ANKRD6: variants seen among roughly 807,000 people sequenced by gnomAD.
ANKRD6 encodes the protein ankyrin repeat domain-containing protein 6.
In ANKRD6, 56 loss-of-function variants were observed where a neutral mutation model predicts 82.3. The ratio of observed to expected loss-of-function variants is 0.68; its 90% CI spans 0.55 to 0.85. The LOEUF is 0.85. Ranked by LOEUF, ANKRD6 falls within the 40% of genes least tolerant of loss-of-function variation. The pLI is 0.00. For missense variants in ANKRD6, 852 were observed against 907.6 expected (o/e 0.94, Z 0.79); for synonymous variants, 347 against 352.1 (o/e 0.99, Z 0.16).
At chr6:89,535,592 C>G (rs961554742) in intron 1 of ANKRD6, among the ~76,000 whole-genome samples, 6 of 152,312 alleles carry the variant, frequency 3.9e-5, no homozygotes, top group Admixed American at 3.9e-4. Flanking sequence ...GTGGGCAGCT[C>G]TACAGAGAAC....
chr6:89,601,182 CTT>C (rs935123911), intron 3 of ANKRD6, among the ~76,000 whole-genome samples: 39 of 152,264 alleles, frequency 2.6e-4, no homozygotes, highest in Non-Finnish European at 4.4e-4. Context: ...CGGCCACATT[CTT>C]TTTTTAACCA....
At chr6:89,612,433 C>T in intron 6 of ANKRD6, 63 bp downstream of exon 6, 1 of 1,425,470 alleles carries the variant, frequency 7.0e-7, no homozygotes, top group South Asian at 1.3e-5. Context: ...AAAATAACTT[C>T]ATGAGCATAC....
intron 1 of ANKRD6, among the ~76,000 whole-genome samples, chr6:89,491,174 G>A (rs1777967478): frequency 6.6e-6 from 1 of 152,094 alleles, no homozygotes. Flanking sequence ...AAACTGTGAG[G>A]GAACACATTT....
At position 89,623,867 on chromosome 6, in the gene ANKRD6, T is replaced by TA; in HGVS notation, c.1033-4dup. The stretch of plus-strand genomic sequence containing the variant: ...TCAGGGGTGTTGTCTCTTCCTCTCT[T>TA]ACAGGTGTCAGCATTTTCTGACCCC... On this transcript the variant is annotated splice_polypyrimidine_tract_variant and splice_region_variant and intron_variant, in intron 11 of 15. Coordinates refer to ENST00000339746, the MANE Select transcript of ANKRD6 (RefSeq NM_001242809.2). 1 of 1,611,102 alleles carries TA rather than the reference T, an allele frequency of 6.2e-7. No homozygotes were observed. Among genetic ancestry groups the TA allele is most frequent in the Non-Finnish European group, 8.5e-7 (1 of 1,178,558 alleles).
chr6:89,591,021 T>C (rs2128139949), intron 2 of ANKRD6, among the ~76,000 whole-genome samples: 1 of 152,282 alleles, frequency 6.6e-6, no homozygotes, highest in East Asian at 1.9e-4. Flanking sequence ...AGGGCCTAGG[T>C]TGAGTTAAGC....
At chr6:89,554,235 G>A (rs913042046) in intron 1 of ANKRD6, among the ~76,000 whole-genome samples, 3 of 152,190 alleles carry the variant, frequency 2.0e-5, no homozygotes, top group Admixed American at 1.3e-4. Context: ...TGGTGAGGTC[G>A]CATTGCCTCT....
Position 89,631,034 on chromosome 6 carries a change from C to A in ANKRD6, c.*30C>A. On this transcript the variant is annotated 3_prime_UTR_variant, in exon 16 of 16. Transcript: ENST00000339746. ...AATAAAGAGGAAATATGAAAGGATT[C>A]TTGAAGATTTCCAGTTTTGCAACTG... 6.8e-7 allele frequency: 1 copy of A among 1,470,582 alleles called. No homozygotes were observed. Among genetic ancestry groups the A allele is most frequent in the Non-Finnish European group, 9.0e-7 (1 of 1,114,908 alleles). 91.1% of individuals were successfully genotyped at this position (1,470,582 alleles called of 1,614,324 possible). A position where few individuals can be genotyped will look rare whatever the true frequency, so the allele number is the denominator to read the frequency against.
Position 89,630,613 on chromosome 6 carries a change from T to C in ANKRD6, c.1793T>C (p.Leu598Pro). The change falls in exon 16 of 16, where the codon CTA (leucine) becomes CCA (proline). Residue 598 changes from leucine to proline, a missense_variant. Physicochemically the swap from Leu to Pro is moderately conservative, Grantham distance 98. Transcript: ENST00000339746. ...LRNVKVQTAL[L>P]PMNEAARSDQ... is the part of the protein sequence containing the mutation. ...AACGTCAAGGTCCAGACAGCCTTGCTACCCATGAATGAGGCAGCCAGATCT... is the reference window on the plus strand; with the variant it reads ...AACGTCAAGGTCCAGACAGCCTTGCCACCCATGAATGAGGCAGCCAGATCT... The C allele has an allele frequency of 6.2e-7, 1 of 1,613,896 alleles. No individual in the cohort carries two copies. The highest frequency in any genetic ancestry group is 8.5e-7 in the Non-Finnish European group (1 of 1,179,834).
At chr6:89,491,131 G>A (rs1309644359) in intron 1 of ANKRD6, among the ~76,000 whole-genome samples, 5 of 152,130 alleles carry the variant, frequency 3.3e-5, no homozygotes, top group African/African-American at 7.2e-5. Context: ...ACACAGCTCC[G>A]CCGACAACTT....
chr6:89,537,307 A>G (rs951048392), intron 1 of ANKRD6, among the ~76,000 whole-genome samples: 1 of 152,202 alleles, frequency 6.6e-6, no homozygotes, highest in African/African-American at 2.4e-5. Flanking sequence ...TGCAGAGTGT[A>G]CAGTGACATA....
At chr6:89,611,337 C>T (rs1216696755) in intron 5 of ANKRD6, among the ~76,000 whole-genome samples, 1 of 152,188 alleles carries the variant, frequency 6.6e-6, no homozygotes, top group East Asian at 1.9e-4. Context: ...AAGCCTGACC[C>T]AGCACTTGAG....
intron 1 of ANKRD6, among the ~76,000 whole-genome samples, chr6:89,512,909 C>T (rs1780724558): frequency 6.6e-6 from 1 of 151,588 alleles, no homozygotes; most frequent in African/African-American, 2.4e-5. Context: ...ATTTCTTTTT[C>T]CTTTTTTTCT....
rs1171125432 is a variant in ANKRD6 at position 89,630,794 on chromosome 6, T to G, written c.1974T>G (p.Ile658Met). ...GCAGCGAGCAGACTGGCCCTCACAT[T>G]CGGGACACCTCCCAAGCTCTGGAGC... ...ATGSEQTGPH[I>M]RDTSQALELT... The change falls in exon 16 of 16, where the codon ATT becomes ATG. Residue 658 changes from isoleucine (I) to methionine (M), a missense_variant. Ile to Met is a conservative substitution (Grantham distance 10, BLOSUM62 1). Transcript: ENST00000339746. The G allele has an allele frequency of 1.2e-6, 2 of 1,613,824 alleles. No individual in the cohort carries two copies. Among genetic ancestry groups the G allele is most frequent in the Non-Finnish European group, 1.7e-6 (2 of 1,179,876 alleles).
intron 2 of ANKRD6, among the ~76,000 whole-genome samples, chr6:89,585,040 G>A (rs1793405409): frequency 1.3e-5 from 2 of 152,116 alleles, no homozygotes; most frequent in African/African-American, 4.8e-5. Flanking sequence ...CACGTTGAAA[G>A]TTAGTGCTTC....
rs553062476 is a variant in ANKRD6, at chr6:89,446,128, G to A, written c.-144+12753G>A. Among the ~76,000 whole-genome samples, 56 of 151,854 alleles carry A rather than the reference G, an allele frequency of 3.7e-4. No individual in the cohort carries two copies. In the South Asian group the frequency reaches 0.01, roughly 28 times the overall value. Reference sequence around the variant, plus strand: ...AGCACTTTGGGAGGCCGAGGCAGGCGAATCACCTGAGGTCAGGAGTTTGAG... The same window carrying A: ...AGCACTTTGGGAGGCCGAGGCAGGCAAATCACCTGAGGTCAGGAGTTTGAG... On this transcript the variant is annotated intron_variant, in intron 1 of 15. Transcript: ENST00000339746.
chr6:89,618,068 C>T (rs372765038), intron 9 of ANKRD6, 37 bp downstream of exon 9: 33 of 1,606,470 alleles, frequency 2.1e-5, no homozygotes, highest in Admixed American at 1.0e-4. Flanking sequence ...ACTGATTATG[C>T]GGGACTACAA....
chr6:89,517,373 G>C (rs1395364120), intron 1 of ANKRD6, among the ~76,000 whole-genome samples: 1 of 152,212 alleles, frequency 6.6e-6, no homozygotes, highest in Non-Finnish European at 1.5e-5. Flanking sequence ...TAGAGGGATA[G>C]TGTGTAATTT....
intron 1 of ANKRD6, among the ~76,000 whole-genome samples, chr6:89,447,487 G>T (rs1772236203): frequency 6.6e-6 from 1 of 152,174 alleles, no homozygotes; most frequent in Non-Finnish European, 1.5e-5. Flanking sequence ...AGCAGAGATT[G>T]GTTCATGAGG....
At chr6:89,568,919 TTA>T (rs924413795) in intron 2 of ANKRD6, among the ~76,000 whole-genome samples, 5 of 146,978 alleles carry the variant, frequency 3.4e-5, no homozygotes, top group African/African-American at 5.0e-5. Context: ...ATAGAAAATT[TTA>T]TATATATATA....
Sources: allele counts gnomAD v4.1 joint callset (sites outside exome capture counted in the v4.1 genomes callset), GRCh38; gene constraint gnomAD v4.1.1; transcripts MANE v1.5; gene names NCBI Gene and HGNC (gene_info 2026-07-23, HGNC 2026-07-21).